The following LDB2 variants were observed in gnomAD, a reference collection of about 807,000 sequenced individuals.
LDB2 encodes the protein LIM domain-binding protein 2.
In LDB2, 12 loss-of-function variants were observed where a neutral mutation model predicts 44.3. The observed-to-expected ratio is 0.27, with a 90% confidence interval of 0.17 to 0.44. The LOEUF is 0.44. LDB2 is among the 20% of genes least tolerant of loss of function. The pLI is 1.00. For synonymous variants in LDB2, 164 were observed against 174.8 expected (o/e 0.94, Z 0.49); for missense variants, 344 against 473.5 (o/e 0.73, Z 2.54).
intron 2 of LDB2, among the ~76,000 whole-genome samples, chr4:16,619,969 A>T (rs1728428595): frequency 2.0e-5 from 3 of 152,184 alleles, no homozygotes; most frequent in Non-Finnish European, 4.4e-5. Flanking sequence ...AATACTATGG[A>T]AAGGATTCTA....
At chr4:16,699,896 G>T (rs527557313) in intron 2 of LDB2, among the ~76,000 whole-genome samples, 1 of 152,044 alleles carries the variant, frequency 6.6e-6, no homozygotes, top group Non-Finnish European at 1.5e-5. Flanking sequence ...TGTACAGTAG[G>T]GGGGCCAGAT....
At chr4:16,615,069 CAAA>C (rs71649971) in intron 2 of LDB2, among the ~76,000 whole-genome samples, 22 of 47,322 alleles carry the variant, frequency 4.6e-4, no homozygotes, top group East Asian at 1.8e-3. Context: ...GACTCCGTCT[CAAA>C]AAAAAAAAAA....
intron 5 of LDB2, among the ~76,000 whole-genome samples, chr4:16,570,697 A>G (rs546769592): frequency 4.0e-5 from 6 of 151,792 alleles, no homozygotes; most frequent in South Asian, 2.1e-4. Flanking sequence ...AGGAAGTCAC[A>G]TTTGTCTTGC....
At chr4:16,608,932 T>C (rs1394346432) in intron 2 of LDB2, among the ~76,000 whole-genome samples, 2 of 152,070 alleles carry the variant, frequency 1.3e-5, no homozygotes, top group Non-Finnish European at 2.9e-5. Context: ...TATTAAAAAC[T>C]AATAAGAAGG....
intron 2 of LDB2, among the ~76,000 whole-genome samples, chr4:16,692,751 T>C (rs573668918): frequency 2.0e-5 from 3 of 152,184 alleles, no homozygotes; most frequent in South Asian, 2.1e-4. Flanking sequence ...TCAGAAACCA[T>C]TCGCAGTCCA....
chr4:16,637,401 G>C (rs996972073), intron 2 of LDB2, among the ~76,000 whole-genome samples: 22 of 130,704 alleles, frequency 1.7e-4, no homozygotes, highest in African/African-American at 5.8e-4. Flanking sequence ...AAGCAATTAT[G>C]TGGGTGCTTA....
intron 2 of LDB2, among the ~76,000 whole-genome samples, chr4:16,673,704 G>A (rs1745507930): frequency 6.6e-6 from 1 of 152,132 alleles, no homozygotes; most frequent in Non-Finnish European, 1.5e-5. Flanking sequence ...CACAATTGAT[G>A]GGGTGCTACT....
chr4:16,717,262 A>G (rs1757264889), intron 2 of LDB2, among the ~76,000 whole-genome samples: 1 of 152,078 alleles, frequency 6.6e-6, no homozygotes, highest in South Asian at 2.1e-4. Flanking sequence ...AAATAGTTGA[A>G]CAGAAGATGA....
rs376501468 is a variant in LDB2 at position 16,610,661 on chromosome 4, G to GA, written c.236-14787dup. On this transcript the variant is annotated intron_variant, in intron 2 of 7. Transcript: ENST00000304523. ...AATAAGACATGCAGACAAGAATAGC[G>GA]AAAAAAAAAAAATGAAAGGAATGAA... 8.8e-3 allele frequency among the ~76,000 whole-genome samples: 1,196 copies of GA among 135,846 alleles called. 4 individuals are homozygous for GA. The highest frequency in any genetic ancestry group is 0.015 in the African/African-American group (548 of 37,238). 89.1% of individuals were successfully genotyped at this position (135,846 alleles called of 152,430 possible).
intron 2 of LDB2, among the ~76,000 whole-genome samples, chr4:16,656,041 A>T (rs1002479007): frequency 6.6e-6 from 1 of 151,662 alleles, no homozygotes; most frequent in African/African-American, 2.4e-5. Flanking sequence ...CTGGGACTAC[A>T]GGCGCCTGCC....
chr4:16,787,616 A>C (rs1167241034), intron 1 of LDB2, among the ~76,000 whole-genome samples: 1 of 152,028 alleles, frequency 6.6e-6, no homozygotes, highest in Non-Finnish European at 1.5e-5. Flanking sequence ...TCCATCTCAG[A>C]AAAAAAAGAG....
chr4:16,718,211 G>A (rs1037318123), intron 2 of LDB2, among the ~76,000 whole-genome samples: 1 of 151,900 alleles, frequency 6.6e-6, no homozygotes, highest in South Asian at 2.1e-4. Context: ...CAAGGTACTG[G>A]GGAAATAGAG....
intron 2 of LDB2, among the ~76,000 whole-genome samples, chr4:16,737,059 A>AT (rs535946054): frequency 1.2e-4 from 18 of 151,984 alleles, no homozygotes; most frequent in African/African-American, 3.4e-4. Flanking sequence ...GTTAAAATGT[A>AT]TTTTTTTTGT....
intron 1 of LDB2, among the ~76,000 whole-genome samples, chr4:16,790,784 T>C (rs1775539363): frequency 6.6e-6 from 1 of 152,148 alleles, no homozygotes; most frequent in African/African-American, 2.4e-5. Context: ...TAACCCAGAG[T>C]TAAGTTTAAT....
intron 2 of LDB2, among the ~76,000 whole-genome samples, chr4:16,632,884 C>T (rs903784532): frequency 3.9e-5 from 6 of 152,174 alleles, no homozygotes; most frequent in Non-Finnish European, 7.4e-5. Context: ...TGTGGCAATT[C>T]CTCAAGGATC....
chr4:16,643,878 G>A (rs1735911813), intron 2 of LDB2, among the ~76,000 whole-genome samples: 1 of 152,160 alleles, frequency 6.6e-6, no homozygotes, highest in Non-Finnish European at 1.5e-5. Flanking sequence ...AGAGTCTTGA[G>A]ATGCATTCTG....
intron 5 of LDB2, among the ~76,000 whole-genome samples, chr4:16,556,950 A>T (rs528295027): frequency 2.0e-5 from 3 of 152,338 alleles, no homozygotes; most frequent in African/African-American, 7.2e-5. Flanking sequence ...TTTCAAGTAG[A>T]TTTTTAAATA....
At chr4:16,523,981 A>G (rs545561963) in intron 5 of LDB2, among the ~76,000 whole-genome samples, 17 of 152,334 alleles carry the variant, frequency 1.1e-4, no homozygotes, top group Non-Finnish European at 2.2e-4. Flanking sequence ...ACTATAAACA[A>G]TTAGAGGGCT....
At chr4:16,606,100 A>T (rs1285392665) in intron 2 of LDB2, among the ~76,000 whole-genome samples, 1 of 152,152 alleles carries the variant, frequency 6.6e-6, no homozygotes, top group Non-Finnish European at 1.5e-5. Context: ...TAGCCTTTAG[A>T]TTTTTAAATT....
Sources: allele counts gnomAD v4.1 joint callset (sites outside exome capture counted in the v4.1 genomes callset), GRCh38; gene constraint gnomAD v4.1.1; transcripts MANE v1.5; gene names NCBI Gene and HGNC (gene_info 2026-07-23, HGNC 2026-07-21).